PDZRN4: variants seen among roughly 807,000 people sequenced by gnomAD.
PDZRN4 encodes the protein PDZ domain containing ring finger 4.
Under a neutral mutation model 99.0 loss-of-function variants are expected in PDZRN4, and 70 were observed. The ratio of observed to expected loss-of-function variants is 0.71; its 90% CI spans 0.58 to 0.86. PDZRN4 has a LOEUF of 0.86. Ranked by LOEUF, PDZRN4 falls within the 40% of genes least tolerant of loss-of-function variation. The probability of loss-of-function intolerance (pLI) is 0.00; values close to 1 mark genes in which losing one functional copy is unlikely to be tolerated. For synonymous variants in PDZRN4, 551 were observed against 501.6 expected (o/e 1.10, Z -1.32); for missense variants, 1,474 against 1,331.2 (o/e 1.11, Z -1.67).
chr12:41,248,605 A>G (rs1951148920), intron 3 of PDZRN4, among the ~76,000 whole-genome samples: 1 of 152,202 alleles, frequency 6.6e-6, no homozygotes, highest in Non-Finnish European at 1.5e-5. Context: ...AGACTGTCAG[A>G]AAAAGAACTC....
chr12:41,393,682 C>T (rs1052131133), intron 3 of PDZRN4, among the ~76,000 whole-genome samples: 4 of 152,138 alleles, frequency 2.6e-5, no homozygotes, highest in African/African-American at 9.7e-5. Context: ...AGAATTTATG[C>T]AAGGCTTGCA....
chr12:41,277,235 C>T (rs117218469), intron 3 of PDZRN4, among the ~76,000 whole-genome samples: 22 of 152,174 alleles, frequency 1.4e-4, no homozygotes, highest in African/African-American at 4.6e-4. Context: ...TGGCAGAGTA[C>T]GCAAGCATCT....
At chr12:41,343,958 C>T (rs1287304614) in intron 3 of PDZRN4, among the ~76,000 whole-genome samples, 1 of 151,980 alleles carries the variant, frequency 6.6e-6, no homozygotes, top group African/African-American at 2.4e-5. Context: ...ATATTAATCT[C>T]AAAATAATTT....
At chr12:41,570,513 TATGAATGCCGTTAC>T (rs888787018) in intron 9 of PDZRN4, among the ~76,000 whole-genome samples, 7 of 152,246 alleles carry the variant, frequency 4.6e-5, no homozygotes, top group African/African-American at 1.7e-4. Flanking sequence ...TGTTTGGTCT[TATGAATGCCGTTAC>T]ATTGTGCAAC....
chr12:41,535,025 G>C (rs1229340201), intron 5 of PDZRN4, among the ~76,000 whole-genome samples: 1 of 151,506 alleles, frequency 6.6e-6, no homozygotes, highest in East Asian at 1.9e-4. Flanking sequence ...CCAACCTGTG[G>C]TTAAATGCAT....
chr12:41,188,824 C>A lies in PDZRN4; in HGVS notation c.369C>A (p.Gly123=), dbSNP rs778637854. The A allele has an allele frequency of 2.3e-6, 3 of 1,321,544 alleles. No individual in the cohort carries two copies. The African/African-American group carries it at 4.7e-5, about 21-fold the overall frequency. The allele number at this position is 1,321,544 out of a possible 1,614,324, so 81.9% of individuals were successfully genotyped here. Reference sequence around the variant, plus strand: ...GCGGGGGCTGCGCTTCGGGGCTGGGCGGTGGTGAGGTGCCCGCGCGGGGGG... The same window carrying A: ...GCGGGGGCTGCGCTTCGGGGCTGGGAGGTGGTGAGGTGCCCGCGCGGGGGG... The part of the protein sequence containing the change: ...RSRGGCASGL[G]GGEVPARGGC... Residue 123 remains glycine (G), a synonymous_variant, in exon 1 of 10, where the codon GGC becomes GGA. Transcript: ENST00000402685.
intron 3 of PDZRN4, among the ~76,000 whole-genome samples, chr12:41,421,943 C>G (rs1952494019): frequency 6.6e-6 from 1 of 152,124 alleles, no homozygotes; most frequent in African/African-American, 2.4e-5. Flanking sequence ...TGTTGGAGCT[C>G]TACTGATAAT....
chr12:41,407,879 T>A (rs562399937), intron 3 of PDZRN4, among the ~76,000 whole-genome samples: 1 of 152,134 alleles, frequency 6.6e-6, no homozygotes, highest in South Asian at 2.1e-4. Flanking sequence ...GGCATTTTTC[T>A]TATCTAAGCT....
intron 7 of PDZRN4, among the ~76,000 whole-genome samples, chr12:41,561,630 C>T (rs990822427): frequency 6.8e-6 from 1 of 147,806 alleles, no homozygotes; most frequent in African/African-American, 2.5e-5. Context: ...TATATATGTA[C>T]AGTCAAGTGG....
chr12:41,294,621 T>C (rs79739014), intron 3 of PDZRN4, among the ~76,000 whole-genome samples: 12 of 152,076 alleles, frequency 7.9e-5, no homozygotes, highest in Non-Finnish European at 1.6e-4. Flanking sequence ...TAAAATAGAA[T>C]AGATTACAAC....
rs1338943830 is a variant in PDZRN4, at chr12:41,349,265, CTT to C, written c.843+155079_843+155080del. Among the ~76,000 whole-genome samples, 3 of 151,664 alleles carry C rather than the reference CTT, an allele frequency of 2.0e-5. No homozygotes were observed. The East Asian group carries it at 5.8e-4, about 29-fold the overall frequency. The stretch of plus-strand genomic sequence containing the variant: ...TTTCACTGTATTATTTAAGAGTAGT[CTT>C]TGAGACTATAAGAAGGGGAATTTCC... On this transcript the variant is annotated intron_variant, in intron 3 of 9. Transcript: ENST00000402685.
intron 3 of PDZRN4, among the ~76,000 whole-genome samples, chr12:41,361,567 A>G (rs2121059234): frequency 6.6e-6 from 1 of 152,150 alleles, no homozygotes; most frequent in Admixed American, 6.6e-5. Flanking sequence ...TATTGCCACA[A>G]TTTGAGGCCA....
chr12:41,549,665 A>G (rs568010096), intron 5 of PDZRN4, among the ~76,000 whole-genome samples: 1 of 152,276 alleles, frequency 6.6e-6, no homozygotes, highest in South Asian at 2.1e-4. Flanking sequence ...TTCAGCCTTT[A>G]TTAATATGCG....
At chr12:41,239,303 G>C (rs141097027) in intron 3 of PDZRN4, among the ~76,000 whole-genome samples, 1 of 152,198 alleles carries the variant, frequency 6.6e-6, no homozygotes, top group Non-Finnish European at 1.5e-5. Context: ...CATACACACT[G>C]GGGCCTGTTG....
chr12:41,532,095 T>G (rs2120742455), intron 5 of PDZRN4, among the ~76,000 whole-genome samples: 1 of 152,330 alleles, frequency 6.6e-6, no homozygotes, highest in Admixed American at 6.5e-5. Flanking sequence ...ACAGAGATTA[T>G]TTTTTACTGT....
chr12:41,377,851 AT>A (rs2121095212), intron 3 of PDZRN4, among the ~76,000 whole-genome samples: 1 of 152,240 alleles, frequency 6.6e-6, no homozygotes, highest in Admixed American at 6.5e-5. Context: ...ACTTTAATGA[AT>A]TCATTTGTTA....
intron 5 of PDZRN4, among the ~76,000 whole-genome samples, chr12:41,541,579 G>A (rs918892125): frequency 6.6e-6 from 1 of 150,832 alleles, no homozygotes. Context: ...TCAGCCTCCC[G>A]AGTAGCTGGG....
chr12:41,380,588 C>A (rs557205316), intron 3 of PDZRN4, among the ~76,000 whole-genome samples: 4 of 152,108 alleles, frequency 2.6e-5, no homozygotes, highest in Non-Finnish European at 5.9e-5. Flanking sequence ...AAAAACTTAA[C>A]TTTGATCATG....
intron 3 of PDZRN4, among the ~76,000 whole-genome samples, chr12:41,394,270 T>C (rs554131177): frequency 6.6e-6 from 1 of 152,132 alleles, no homozygotes; most frequent in Admixed American, 6.5e-5. Context: ...CCAATCTCAA[T>C]GGGGGTTAGG....
Sources: gnomAD v4.1 joint callset for allele counts (sites outside exome capture counted in the v4.1 genomes callset) on GRCh38, gnomAD v4.1.1 for gene constraint, MANE v1.5 for transcripts, NCBI Gene and HGNC (gene_info 2026-07-23, HGNC 2026-07-21) for gene names.